HUWE1: variants seen among roughly 807,000 people sequenced by gnomAD.
HUWE1 encodes HECT, UBA and WWE domain containing E3 ubiquitin protein ligase 1.
Under a neutral mutation model 299.4 loss-of-function variants are expected in HUWE1, and 18 were observed. The observed-to-expected ratio is 0.06, with a 90% CI of 0.04 to 0.09. The LOEUF is 0.09. Ranked by LOEUF, HUWE1 falls within the 10% of genes least tolerant of loss-of-function variation. The probability of loss-of-function intolerance (pLI) is 1.00; values close to 1 mark genes in which losing one functional copy is unlikely to be tolerated. For missense variants in HUWE1, 1,832 were observed against 3,462.3 expected (o/e 0.53, Z 11.82); for synonymous variants, 1,317 against 1,286.1 (o/e 1.02, Z -0.51).
chrX:53,537,541 T>A lies in HUWE1; in HGVS notation c.12137+15A>T. 8.3e-7 allele frequency: 1 copy of A among 1,209,654 alleles called. No homozygotes were observed. Among genetic ancestry groups the A allele is most frequent in the Non-Finnish European group, 1.1e-6 (1 of 894,110 alleles). On this transcript the variant is annotated intron_variant, in intron 78 of 83. Coordinates refer to ENST00000262854, the MANE Select transcript of HUWE1 (RefSeq NM_031407.7). ...CCTCCCACCCGCCATCTTTTCTCCG[T>A]TCCTGGGCCCTTACAATCGATTCTT...
chrX:53,558,700 A>G lies in HUWE1; in HGVS notation c.8115T>C (p.Thr2705=). 2 of 1,210,325 alleles carry G rather than the reference A, an allele frequency of 1.7e-6. No homozygotes were observed. Among genetic ancestry groups the G allele is most frequent in the African/African-American group, 1.7e-5 (1 of 57,694 alleles). The change falls in exon 59 of 84, where the codon ACT becomes ACC. Residue 2705 remains threonine, a synonymous_variant. Transcript: ENST00000262854. ...TCTCCTTATCTTCTTTGCCTTTATC[A>G]GTTATCTTTGTTTCTTCCTCAGCCA... is the stretch of plus-strand genomic sequence containing the variant. ...KQLAEEETKI[T]DKGKEDKENR... is the part of the protein sequence containing the mutation.
Position 53,645,200 on chromosome X carries a change from G to A in HUWE1, c.504+111C>T, listed in dbSNP as rs2067894870. 7.5e-6 allele frequency: 6 copies of A among 803,770 alleles called. No homozygotes were observed. The Admixed American group carries it at 1.4e-4, about 19-fold the overall frequency. The allele number at this position is 803,770 out of a possible 1,213,427, so 66.2% of individuals were successfully genotyped here. On this transcript the variant is annotated intron_variant, in intron 7 of 83. Transcript: ENST00000262854. ...CAATAGTTCTAACTCAATTAGGCCA[G>A]TGAAGTTAACTTAGGGATTCTAATA...
In HUWE1 at chrX:53,576,981, G is replaced by A; in HGVS notation, c.5803C>T (p.Leu1935=). ...TTGATAGTATCAGGGATGACAGGCA[G>A]AGGTGAGGGCTTCAAAGGGGTGGTC... ...VKTTPLKPSP[L]PVIPDTIKEV... The change falls in exon 44 of 84, where the codon CTG becomes TTG. Residue 1935 remains leucine, a synonymous_variant. Coordinates refer to ENST00000262854, the MANE Select transcript of HUWE1 (RefSeq NM_031407.7). 1 of 1,202,645 alleles carries A rather than the reference G, an allele frequency of 8.3e-7. No individual in the cohort carries two copies. The highest frequency in any genetic ancestry group is 1.1e-6 in the Non-Finnish European group (1 of 887,240).
At chrX:53,596,023 C>T (rs1413756491) in intron 29 of HUWE1, among the ~76,000 whole-genome samples, 1 of 112,430 alleles carries the variant, frequency 8.9e-6, no homozygotes, top group African/African-American at 3.2e-5. Flanking sequence ...TGCTTTCCAG[C>T]TTCTCTTTAA....
intron 4 of HUWE1, among the ~76,000 whole-genome samples, chrX:53,651,297 T>C (rs1557039902): frequency 1.8e-5 from 2 of 111,308 alleles, no homozygotes; most frequent in Non-Finnish European, 3.8e-5. Context: ...CCAAGTTTCC[T>C]TGTGTCCCTA....
chrX:53,665,475 T>C (rs1285599193), intron 3 of HUWE1, among the ~76,000 whole-genome samples: 3 of 111,975 alleles, frequency 2.7e-5, no homozygotes, highest in Non-Finnish European at 5.6e-5. Context: ...AAGAGGAATC[T>C]GAAACCTCCA....
Position 53,627,515 on chromosome X carries a change from G to A in HUWE1, c.1384C>T (p.His462Tyr), listed in dbSNP as rs2066588850. Residue 462 changes from histidine to tyrosine, a missense_variant and splice_region_variant, in exon 17 of 84, where the codon CAT (histidine) becomes TAT (tyrosine). This residue lies in a region of HUWE1 where 658 missense variants were observed against 1,282.6 expected (regional missense o/e 0.51). Transcript: ENST00000262854. ...GLSIFIYRLE[H>Y]EVDLCRKECP... is the part of the protein sequence containing the mutation. ...TCTTTTCGGCACAAATCTACTTCAT[G>A]CTACAATCAAGAGAAAGGTTATAAG... The A allele has an allele frequency of 8.6e-7, 1 of 1,156,488 alleles. No homozygotes were observed. The highest frequency in any genetic ancestry group is 2.2e-5 in the Admixed American group (1 of 45,152).
chrX:53,567,468 A>G (rs1218525045), intron 49 of HUWE1, among the ~76,000 whole-genome samples: 2 of 111,938 alleles, frequency 1.8e-5, no homozygotes, highest in African/African-American at 3.2e-5. Context: ...AGTCGAGTCC[A>G]TAATACGACT....
intron 78 of HUWE1, 96 bp downstream of exon 78, chrX:53,537,460 G>C (rs2061117212): frequency 2.2e-6 from 2 of 895,213 alleles, no homozygotes; most frequent in South Asian, 2.1e-5. Context: ...AGGGAGGGCA[G>C]CACCTCCCTA....
Position 53,595,261 on chromosome X carries a change from G to A in HUWE1, c.3306C>T (p.Ala1102=), listed in dbSNP as rs782274124. Residue 1102 remains alanine (A), a synonymous_variant, in exon 30 of 84, where the codon GCC becomes GCT. Coordinates refer to ENST00000262854, the MANE Select transcript of HUWE1 (RefSeq NM_031407.7). Reference sequence around the variant, plus strand: ...TAGTCAAGAGCTTAGTGAGAGCTGAGGCTGTTGATCGCGCGGCAGGTGTCG... The same window carrying A: ...TAGTCAAGAGCTTAGTGAGAGCTGAAGCTGTTGATCGCGCGGCAGGTGTCG... ...TAPTPAARST[A]SALTKLLTKG... 1.1e-5 allele frequency: 13 copies of A among 1,211,555 alleles called. No homozygotes were observed. The highest frequency in any genetic ancestry group is 1.5e-5 in the Non-Finnish European group (13 of 895,489).
At chrX:53,679,348 ATC>A (rs781990735) in intron 3 of HUWE1, among the ~76,000 whole-genome samples, 5 of 112,789 alleles carry the variant, frequency 4.4e-5, no homozygotes, top group African/African-American at 1.3e-4. Flanking sequence ...ATTTTTAAAT[ATC>A]TGTTAATTTT....
intron 76 of HUWE1, 111 bp downstream of exon 76, chrX:53,538,724 A>ACACACACTCT (rs1556915582): frequency 6.1e-5 from 26 of 425,406 alleles, no homozygotes; most frequent in Middle Eastern, 6.3e-4. Context: ...ACACACACAC[A>ACACACACTCT]CTCTCTCTCT....
At chrX:53,630,856 A>G (rs2066834057) in intron 12 of HUWE1, 79 bp downstream of exon 12, 1 of 602,163 alleles carries the variant, frequency 1.7e-6, no homozygotes, top group Non-Finnish European at 2.9e-6. Flanking sequence ...ACTCATAGCA[A>G]CAAAGATGAA....
At chrX:53,553,287 C>A (rs1556931074) in intron 61 of HUWE1, among the ~76,000 whole-genome samples, 2 of 108,996 alleles carry the variant, frequency 1.8e-5, no homozygotes, top group African/African-American at 6.7e-5. Flanking sequence ...GGATTACAGG[C>A]ACCTGCTACC....
chrX:53,646,282 C>A (rs1557035954), intron 6 of HUWE1, among the ~76,000 whole-genome samples: 1 of 109,920 alleles, frequency 9.1e-6, no homozygotes, highest in African/African-American at 3.3e-5. Context: ...CGAAGTCTCC[C>A]GAGTAGCTAG....
intron 3 of HUWE1, among the ~76,000 whole-genome samples, chrX:53,668,268 C>T (rs2069346774): frequency 9.2e-6 from 1 of 109,287 alleles, no homozygotes; most frequent in Non-Finnish European, 1.9e-5. Flanking sequence ...ATGGTGAAAC[C>T]CCGTCTCTAC....
rs1208448240 is a variant in HUWE1 at position 53,562,680 on chromosome X, G to A, written c.7204+151C>T. On this transcript the variant is annotated intron_variant, in intron 53 of 83. Coordinates refer to ENST00000262854, the MANE Select transcript of HUWE1 (RefSeq NM_031407.7). ...TAACATGTTATTTGAAAAACTGGCT[G>A]AGGATAAAGTGGATGGTGTATGTCA... 2.8e-5 allele frequency: 14 copies of A among 500,224 alleles called. No individual in the cohort carries two copies. The African/African-American group carries it at 3.3e-4, about 12-fold the overall frequency. The allele number at this position is 500,224 out of a possible 1,213,427, so 41.2% of individuals were successfully genotyped here. A position where few individuals can be genotyped will look rare whatever the true frequency, so the allele number is the denominator to read the frequency against.
chrX:53,578,677 TG>T (rs1341782095), intron 43 of HUWE1, among the ~76,000 whole-genome samples: 2 of 56,742 alleles, frequency 3.5e-5, no homozygotes, highest in African/African-American at 1.5e-4. Flanking sequence ...GGGAGGGAGG[TG>T]GGGGGATCAG....
At chrX:53,564,088 CT>C (rs2062419839) in intron 51 of HUWE1, among the ~76,000 whole-genome samples, 1 of 112,159 alleles carries the variant, frequency 8.9e-6, no homozygotes, top group Non-Finnish European at 1.9e-5. Flanking sequence ...TAATAGATCT[CT>C]TTAAAGCCAG....
Sources: gnomAD v4.1 joint callset for allele counts (sites outside exome capture counted in the v4.1 genomes callset) on GRCh38, gnomAD v4.1.1 for gene constraint, gnomAD v4.1.1 regional missense constraint, MANE v1.5 for transcripts, NCBI Gene and HGNC (gene_info 2026-07-23, HGNC 2026-07-21) for gene names.